CCDC7: variants seen among roughly 807,000 people sequenced by gnomAD.
The protein encoded by CCDC7 is coiled-coil domain-containing protein 7.
Under a neutral mutation model 196.9 loss-of-function variants are expected in CCDC7, and 183 were observed. That is an observed-to-expected ratio of 0.93 (90% CI 0.82 to 1.05). The LOEUF is 1.05. Ranked by LOEUF, CCDC7 falls within the 50% of genes least tolerant of loss-of-function variation. CCDC7 has a pLI of 0.00. For missense variants in CCDC7, 1,540 were observed against 1,482.2 expected, an observed-to-expected ratio of 1.04 and a Z score of -0.64; for synonymous variants, 525 against 484.6, an observed-to-expected ratio of 1.08 and a Z score of -1.10.
At chr10:32,453,075 C>T (rs1022090698) in intron 1 of CCDC7, among the ~76,000 whole-genome samples, 5 of 152,110 alleles carry the variant, frequency 3.3e-5, no homozygotes, top group Non-Finnish European at 5.9e-5. Context: ...TGGACAGGCC[C>T]TCTCCGTTTT....
Position 32,651,627 on chromosome 10 carries a change from G to T in CCDC7, c.2015-12427G>T, listed in dbSNP as rs531146022. 2.0e-5 allele frequency among the ~76,000 whole-genome samples: 3 copies of T among 152,268 alleles called. No homozygotes were observed. The South Asian group carries it at 6.2e-4, about 32-fold the overall frequency. The stretch of plus-strand genomic sequence containing the variant: ...AGACTAAGAGTATTTAAGGGTTCAG[G>T]GTGAGAGAGCTTATCACAGGGTAGG... On this transcript the variant is annotated intron_variant, in intron 20 of 41. Coordinates refer to ENST00000639629, the Ensembl canonical transcript of CCDC7.
intron 21 of CCDC7, among the ~76,000 whole-genome samples, chr10:32,672,955 A>G (rs1591430017): frequency 6.6e-6 from 1 of 152,038 alleles, no homozygotes; most frequent in African/African-American, 2.4e-5. Context: ...TTTTTAAACC[A>G]CTTTACTAAG....
exon 17 of CCDC7, chr10:32,583,249 A>C (rs2058913019): frequency 1.6e-6 from 2 of 1,231,512 alleles, no homozygotes; most frequent in Non-Finnish European, 2.0e-6. Context: ...TTGGCTCAAA[A>C]AAACGAAACA....
chr10:32,696,437 A>G (rs1190747125), intron 24 of CCDC7, among the ~76,000 whole-genome samples: 2 of 151,184 alleles, frequency 1.3e-5, no homozygotes, highest in African/African-American at 4.9e-5. Context: ...TCCATTCCTC[A>G]CTGGGGACAT....
chr10:32,845,972 AT>A lies in CCDC7; in HGVS notation c.3604+18del. 2.5e-6 allele frequency: 4 copies of A among 1,583,464 alleles called. No homozygotes were observed. The highest frequency in any genetic ancestry group is 3.5e-6 in the Non-Finnish European group (4 of 1,154,166). On this transcript the variant is annotated intron_variant, in intron 36 of 41. Transcript: ENST00000639629. Reference sequence around the variant, plus strand: ...AAGAGTCACCGAGGTAAGAGAAAGAATTTTTCAAGTCTAATATTTAGGCTTA... The same window carrying A: ...AAGAGTCACCGAGGTAAGAGAAAGAATTTTCAAGTCTAATATTTAGGCTTA...
At chr10:32,633,773 T>C (rs2065229446) in intron 18 of CCDC7, among the ~76,000 whole-genome samples, 1 of 150,074 alleles carries the variant, frequency 6.7e-6, no homozygotes, top group East Asian at 2.0e-4. Flanking sequence ...TGTTTTGGAA[T>C]TGTGCATTAA....
At chr10:32,815,394 T>A (rs1055152571) in intron 31 of CCDC7, among the ~76,000 whole-genome samples, 1 of 152,162 alleles carries the variant, frequency 6.6e-6, no homozygotes, top group Non-Finnish European at 1.5e-5. Context: ...GATGTCAACA[T>A]TGTGATGTAA....
intron 9 of CCDC7, among the ~76,000 whole-genome samples, chr10:32,515,648 A>C (rs2046901772): frequency 1.3e-5 from 2 of 151,890 alleles, no homozygotes; most frequent in Non-Finnish European, 2.9e-5. Flanking sequence ...GGTTCACGCC[A>C]TTCTTCTGCC....
intron 31 of CCDC7, among the ~76,000 whole-genome samples, chr10:32,818,293 C>G (rs1185041075): frequency 6.6e-6 from 1 of 152,118 alleles, no homozygotes; most frequent in Non-Finnish European, 1.5e-5. Context: ...GCTAACTATC[C>G]TAAATATATA....
intron 3 of CCDC7, among the ~76,000 whole-genome samples, chr10:32,458,619 G>A (rs2034914934): frequency 6.6e-6 from 1 of 152,118 alleles, no homozygotes; most frequent in East Asian, 1.9e-4. Flanking sequence ...AAGCTGCTGG[G>A]ATTACAGGCA....
In CCDC7 at chr10:32,558,749, C is replaced by T. The variant is rs571947909; in HGVS notation, c.1135-6809C>T. On this transcript the variant is annotated intron_variant, in intron 13 of 41. Transcript: ENST00000639629. Reference sequence around the variant, plus strand: ...CTCCCAGCGTGAGTGACGCAGAAGACGGGTGATTTCTGCATTTCCATCTGA... The same window carrying T: ...CTCCCAGCGTGAGTGACGCAGAAGATGGGTGATTTCTGCATTTCCATCTGA... Among the ~76,000 whole-genome samples the T allele has an allele frequency of 6.5e-4, 99 of 152,226 alleles. 1 individual carries two copies. The South Asian group carries it at 9.5e-3, about 15-fold the overall frequency.
intron 28 of CCDC7, among the ~76,000 whole-genome samples, chr10:32,745,437 A>T (rs1470135414): frequency 6.6e-6 from 1 of 152,200 alleles, no homozygotes; most frequent in Non-Finnish European, 1.5e-5. Context: ...ATGTAAGGGG[A>T]AGGAGAGCCA....
At chr10:32,764,239 A>T in intron 28 of CCDC7, among the ~76,000 whole-genome samples, 1 of 151,364 alleles carries the variant, frequency 6.6e-6, no homozygotes, top group East Asian at 1.9e-4. Context: ...TAGACCTATA[A>T]TTAGACACAA....
intron 5 of CCDC7, 110 bp from the exon 7 acceptor site, chr10:32,470,954 A>T: frequency 9.2e-7 from 1 of 1,083,640 alleles, no homozygotes; most frequent in Non-Finnish European, 1.3e-6. Context: ...GCTATAGATA[A>T]GAAAAATATA....
chr10:32,534,663 G>A (rs61226437), intron 11 of CCDC7, among the ~76,000 whole-genome samples: 8,055 of 152,006 alleles, frequency 0.053, 711 homozygotes, highest in African/African-American at 0.18. Flanking sequence ...GTCTGGAATT[G>A]GGGAGGTCCC....
intron 20 of CCDC7, among the ~76,000 whole-genome samples, chr10:32,648,437 A>G (rs1427779905): frequency 1.3e-5 from 2 of 152,160 alleles, no homozygotes; most frequent in African/African-American, 4.8e-5. Context: ...CTTTTTTACT[A>G]TATTGATAGT....
At chr10:32,723,256 C>T (rs950777581) in intron 25 of CCDC7, among the ~76,000 whole-genome samples, 7 of 152,048 alleles carry the variant, frequency 4.6e-5, no homozygotes, top group Non-Finnish European at 1.0e-4. Context: ...AGTTTTACAT[C>T]ACTCTTTCTG....
At chr10:32,636,593 G>A (rs1409465206) in intron 20 of CCDC7, among the ~76,000 whole-genome samples, 1 of 152,192 alleles carries the variant, frequency 6.6e-6, no homozygotes, top group African/African-American at 2.4e-5. Flanking sequence ...ATTCCATGAT[G>A]TATATGTGCC....
chr10:32,451,565 C>G (rs1201938148), upstream of CCDC7: 1 of 1,501,618 alleles, frequency 6.7e-7, no homozygotes, highest in East Asian at 2.3e-5. Context: ...CTGGTGTTTT[C>G]TCTGAATCTC....
Sources: gnomAD v4.1 joint callset for allele counts (sites outside exome capture counted in the v4.1 genomes callset) on GRCh38, gnomAD v4.1.1 for gene constraint, MANE v1.5 for transcripts, NCBI Gene and HGNC (gene_info 2026-07-23, HGNC 2026-07-21) for gene names.